Variants in DNAH11 observed in about 807,000 individuals in gnomAD.
The protein encoded by DNAH11 is dynein axonemal heavy chain 11.
A neutral mutation model predicts 526.0 loss-of-function variants in DNAH11; 442 were observed. The ratio of observed to expected loss-of-function variants is 0.84; its 90% confidence interval spans 0.78 to 0.91. DNAH11 has a LOEUF of 0.91. DNAH11 is among the 40% of genes least tolerant of loss of function. The pLI is 0.00. For missense variants in DNAH11, 6,989 were observed against 5,448.7 expected, an observed-to-expected ratio of 1.28 and a Z score of -8.90; for synonymous variants, 2,461 against 1,935.9, an observed-to-expected ratio of 1.27 and a Z score of -7.12.
At chr7:21,854,975 A>T (rs1024543135) in intron 68 of DNAH11, among the ~76,000 whole-genome samples, 1 of 151,908 alleles carries the variant, frequency 6.6e-6, no homozygotes, top group Non-Finnish European at 1.5e-5. Context: ...AGGTAATTAA[A>T]CTGTGCATAC....
intron 65 of DNAH11, among the ~76,000 whole-genome samples, chr7:21,822,002 C>A (rs1012283133): frequency 6.6e-6 from 1 of 151,812 alleles, no homozygotes; most frequent in African/African-American, 2.4e-5. Context: ...AACATAATAC[C>A]CTCCAGTTCC....
At chr7:21,736,879 A>G (rs962395007) in intron 46 of DNAH11, among the ~76,000 whole-genome samples, 2 of 152,180 alleles carry the variant, frequency 1.3e-5, no homozygotes, top group Non-Finnish European at 2.9e-5. Context: ...TTATTTACCT[A>G]CTTTTTCCCA....
intron 6 of DNAH11, 73 bp downstream of exon 6, chr7:21,564,470 T>G: frequency 9.1e-7 from 1 of 1,094,842 alleles, no homozygotes; most frequent in Non-Finnish European, 1.3e-6. Flanking sequence ...TAGTGAAGAA[T>G]AATCTAGTAT....
At chr7:21,563,010 A>T (rs1201839776) in intron 5 of DNAH11, among the ~76,000 whole-genome samples, 2 of 152,144 alleles carry the variant, frequency 1.3e-5, no homozygotes, top group Non-Finnish European at 2.9e-5. Flanking sequence ...TACTTTCATA[A>T]TAAAATTTGT....
At chr7:21,662,090 G>A (rs1016729185) in intron 30 of DNAH11, among the ~76,000 whole-genome samples, 3 of 152,072 alleles carry the variant, frequency 2.0e-5, no homozygotes, top group Non-Finnish European at 4.4e-5. Flanking sequence ...AAAGTGCTGG[G>A]ATTATAGACA....
At chr7:21,653,681 G>T (rs1781687407) in intron 28 of DNAH11, among the ~76,000 whole-genome samples, 1 of 152,176 alleles carries the variant, frequency 6.6e-6, no homozygotes, top group African/African-American at 2.4e-5. Context: ...GTAATGTACA[G>T]GGATGGAGGA....
intron 45 of DNAH11, 69 bp downstream of exon 45, chr7:21,726,053 G>T: frequency 7.3e-7 from 1 of 1,375,926 alleles, no homozygotes; most frequent in South Asian, 1.6e-5. Flanking sequence ...CCTGCAACTG[G>T]GTAATTTATA....
At chr7:21,661,802 CTTAG>C (rs1326099392) in intron 30 of DNAH11, among the ~76,000 whole-genome samples, 1 of 152,002 alleles carries the variant, frequency 6.6e-6, no homozygotes, top group Non-Finnish European at 1.5e-5. Flanking sequence ...AGAAGGATTA[CTTAG>C]TTAGTATATG....
intron 62 of DNAH11, among the ~76,000 whole-genome samples, chr7:21,802,960 TA>T (rs1215694355): frequency 3.1e-4 from 46 of 149,718 alleles, no homozygotes; most frequent in African/African-American, 1.1e-3. Flanking sequence ...TATATATATA[TA>T]ATGTAGTAAA....
intron 6 of DNAH11, among the ~76,000 whole-genome samples, chr7:21,569,299 T>G (rs910753550): frequency 1.3e-5 from 2 of 152,022 alleles, no homozygotes; most frequent in Non-Finnish European, 2.9e-5. Context: ...TTATATGAGG[T>G]TAAGATGCGT....
At chr7:21,722,701 G>C (rs942376988) in intron 44 of DNAH11, among the ~76,000 whole-genome samples, 1 of 152,116 alleles carries the variant, frequency 6.6e-6, no homozygotes, top group African/African-American at 2.4e-5. Flanking sequence ...TGAGAGTCAA[G>C]TGTTCGTGTC....
chr7:21,665,908 A>G (rs1057081036), intron 30 of DNAH11, among the ~76,000 whole-genome samples: 1 of 152,132 alleles, frequency 6.6e-6, no homozygotes, highest in African/African-American at 2.4e-5. Flanking sequence ...AAATGTTTGC[A>G]TCTAAGTTGA....
At chr7:21,589,470 T>G in intron 12 of DNAH11, 67 bp downstream of exon 12, 4 of 1,318,098 alleles carry the variant, frequency 3.0e-6, no homozygotes, top group Non-Finnish European at 3.1e-6. Flanking sequence ...TTCTGATATT[T>G]CCAGTCATTT....
chr7:21,795,690 A>G lies in DNAH11; in HGVS notation c.10027-5447A>G, dbSNP rs193082629. Among the ~76,000 whole-genome samples the G allele has an allele frequency of 1.8e-3, 271 of 152,362 alleles. 9 individuals are homozygous for G. The South Asian group carries it at 0.032, about 18-fold the overall frequency. On this transcript the variant is annotated intron_variant, in intron 61 of 81. Coordinates refer to ENST00000409508, the MANE Select transcript of DNAH11 (RefSeq NM_001277115.2). ...AACGTTTTGTAACACTGGACTAGGC[A>G]CTGGAGTCAGAGGGACACAGAAGGC... is the stretch of plus-strand genomic sequence containing the variant.
chr7:21,718,980 C>T (rs774796090), intron 43 of DNAH11, among the ~76,000 whole-genome samples: 3 of 152,104 alleles, frequency 2.0e-5, no homozygotes, highest in Non-Finnish European at 4.4e-5. Context: ...TGTAGTTAGC[C>T]TAATTAGACT....
intron 65 of DNAH11, among the ~76,000 whole-genome samples, chr7:21,834,796 G>A (rs543652660): frequency 2.0e-5 from 3 of 152,256 alleles, no homozygotes; most frequent in East Asian, 3.9e-4. Flanking sequence ...AGTGAGCTAT[G>A]ATCACACCAC....
In DNAH11 at chr7:21,744,606, G is replaced by A. The variant is rs369837420; in HGVS notation, c.8316+7G>A. On this transcript the variant is annotated splice_region_variant and intron_variant, in intron 50 of 81. Transcript: ENST00000409508. ...TGCTTATAAATATTTTGAAGTAAGC[G>A]TATGAATGTCAGAGGTCACTACTTA... 1.1e-4 allele frequency: 172 copies of A among 1,612,186 alleles called. No homozygotes were observed. Among genetic ancestry groups the A allele is most frequent in the Non-Finnish European group, 1.4e-4 (163 of 1,179,582 alleles).
At chr7:21,726,201 A>G (rs1785097850) in intron 45 of DNAH11, among the ~76,000 whole-genome samples, 1 of 152,134 alleles carries the variant, frequency 6.6e-6, no homozygotes, top group Non-Finnish European at 1.5e-5. Context: ...CAAAGGGGAA[A>G]CAAGAGAGAG....
At chr7:21,731,373 T>C (rs1312025610) in intron 45 of DNAH11, among the ~76,000 whole-genome samples, 1 of 152,098 alleles carries the variant, frequency 6.6e-6, no homozygotes, top group Non-Finnish European at 1.5e-5. Flanking sequence ...AAGATGATCA[T>C]GGCCATGTTG....
Sources: allele counts gnomAD v4.1 joint callset (sites outside exome capture counted in the v4.1 genomes callset), GRCh38; gene constraint gnomAD v4.1.1; transcripts MANE v1.5; gene names NCBI Gene and HGNC (gene_info 2026-07-23, HGNC 2026-07-21).